The following TACC2 variants were observed in gnomAD, a reference collection of about 807,000 sequenced individuals.
The protein encoded by TACC2 is transforming acidic coiled-coil-containing protein 2.
TACC2 carries 137 observed loss-of-function variants against 227.3 expected under a neutral mutation model. The observed-to-expected ratio is 0.60, with a 90% CI of 0.52 to 0.69. The LOEUF (loss-of-function observed/expected upper bound fraction) is 0.69, where lower values mean the gene tolerates loss of function less well. TACC2 is among the 30% of genes least tolerant of loss of function. The pLI, the probability that TACC2 is intolerant of heterozygous loss-of-function variation, is 0.00. For synonymous variants in TACC2, 1,523 were observed against 1,487.5 expected, an observed-to-expected ratio of 1.02 and a Z score of -0.55; for missense variants, 3,470 against 3,694.4, an observed-to-expected ratio of 0.94 and a Z score of 1.57.
intron 7 of TACC2, among the ~76,000 whole-genome samples, chr10:122,156,587 T>C (rs1008259196): frequency 3.9e-5 from 6 of 152,230 alleles, no homozygotes; most frequent in Admixed American, 1.3e-4. Flanking sequence ...CTTCACGTTC[T>C]CTCTTTGAAG....
chr10:122,093,661 G>A (rs6585784), intron 5 of TACC2, among the ~76,000 whole-genome samples: 6,574 of 152,128 alleles, frequency 0.043, 481 homozygotes, highest in African/African-American at 0.15. Context: ...TATTGGCTTC[G>A]TTACCTTGGA....
chr10:122,108,414 G>GTA (rs907401219), intron 5 of TACC2, among the ~76,000 whole-genome samples: 10 of 141,792 alleles, frequency 7.1e-5, no homozygotes, highest in East Asian at 4.1e-4. Context: ...GTGTGTGTGT[G>GTA]TATATATATA....
chr10:122,013,871 C>A (rs1956238407), intron 1 of TACC2, among the ~76,000 whole-genome samples: 1 of 152,164 alleles, frequency 6.6e-6, no homozygotes, highest in East Asian at 1.9e-4. Flanking sequence ...TTGGGTAAAT[C>A]ATTTCCAACC....
chr10:122,142,023 T>C (rs1043810893), intron 6 of TACC2, among the ~76,000 whole-genome samples: 1 of 152,258 alleles, frequency 6.6e-6, no homozygotes, highest in African/African-American at 2.4e-5. Flanking sequence ...TGATTAATTT[T>C]AGCCACTGCC....
chr10:122,093,760 T>G (rs2081080083), intron 5 of TACC2, among the ~76,000 whole-genome samples: 1 of 152,220 alleles, frequency 6.6e-6, no homozygotes, highest in Non-Finnish European at 1.5e-5. Context: ...TAGGATAAAA[T>G]TGGAATGTTT....
chr10:122,036,928 T>A (rs1960594884), intron 2 of TACC2, among the ~76,000 whole-genome samples: 1 of 152,202 alleles, frequency 6.6e-6, no homozygotes, highest in Non-Finnish European at 1.5e-5. Flanking sequence ...TTTCTCTACA[T>A]CCTCACCAAT....
At chr10:122,170,686 C>A (rs576483506) in intron 7 of TACC2, among the ~76,000 whole-genome samples, 2 of 152,300 alleles carry the variant, frequency 1.3e-5, no homozygotes, top group South Asian at 4.1e-4. Context: ...ATGGTTAAAA[C>A]CTGTATCTGC....
chr10:122,009,559 G>T (rs773796509), intron 1 of TACC2, among the ~76,000 whole-genome samples: 3 of 152,104 alleles, frequency 2.0e-5, no homozygotes, highest in Non-Finnish European at 2.9e-5. Flanking sequence ...TCTTGCTCTT[G>T]CTGGGGAGAA....
chr10:122,136,543 GTGTATATA>G (rs760074271), intron 6 of TACC2, among the ~76,000 whole-genome samples: 113 of 143,010 alleles, frequency 7.9e-4, no homozygotes, highest in Non-Finnish European at 8.4e-4. Context: ...TTGTGTGTGT[GTGTATATA>G]TATATATATA....
At chr10:122,253,628 C>T (rs1389807467) in intron 22 of TACC2, among the ~76,000 whole-genome samples, 1 of 152,232 alleles carries the variant, frequency 6.6e-6, no homozygotes, top group African/African-American at 2.4e-5. Context: ...CTCCTCACCT[C>T]AGATCACATC....
chr10:122,213,881 G>C (rs2095347355), intron 9 of TACC2, among the ~76,000 whole-genome samples: 1 of 152,216 alleles, frequency 6.6e-6, no homozygotes, highest in Non-Finnish European at 1.5e-5. Flanking sequence ...CTGAAATGCA[G>C]GGTCAGTGCA....
intron 1 of TACC2, among the ~76,000 whole-genome samples, chr10:122,003,290 C>T (rs1954648979): frequency 6.6e-6 from 1 of 151,772 alleles, no homozygotes; most frequent in African/African-American, 2.4e-5. Context: ...CTGCCTTTAA[C>T]TTTATTTTTT....
intron 1 of TACC2, among the ~76,000 whole-genome samples, chr10:122,004,422 C>T (rs1342761067): frequency 1.3e-5 from 2 of 151,836 alleles, no homozygotes; most frequent in African/African-American, 2.4e-5. Flanking sequence ...AAATTACACT[C>T]GTTCCTGAGG....
At chr10:122,075,188 CAAAA>C (rs74264562) in intron 3 of TACC2, among the ~76,000 whole-genome samples, 95 of 142,468 alleles carry the variant, frequency 6.7e-4, no homozygotes, top group Admixed American at 9.0e-4. Flanking sequence ...ATCTTGCTGC[CAAAA>C]AAAAAAAAAA....
intron 5 of TACC2, among the ~76,000 whole-genome samples, chr10:122,122,613 C>A (rs1040690624): frequency 6.6e-6 from 1 of 151,918 alleles, no homozygotes; most frequent in African/African-American, 2.4e-5. Flanking sequence ...CTGCTTTCCC[C>A]GGGGTCCTGT....
intron 7 of TACC2, among the ~76,000 whole-genome samples, chr10:122,153,722 C>T (rs568862776): frequency 3.9e-5 from 6 of 152,306 alleles, no homozygotes; most frequent in African/African-American, 1.4e-4. Flanking sequence ...AAACCTTGCA[C>T]CCTCGATGTT....
At chr10:122,018,166 T>C (rs561902466) in intron 1 of TACC2, among the ~76,000 whole-genome samples, 2 of 152,182 alleles carry the variant, frequency 1.3e-5, no homozygotes, top group South Asian at 2.1e-4. Flanking sequence ...TGTTCCCCTC[T>C]CTGTGTCCAT....
At chr10:122,219,030 A>AAAAAG (rs59998048) in intron 11 of TACC2, among the ~76,000 whole-genome samples, 42,754 of 143,788 alleles carry the variant, frequency 0.3, 7,217 homozygotes, top group East Asian at 0.43. Flanking sequence ...AAAAAAAAAA[A>AAAAAG]AAAAAGAAAA....
Position 122,154,148 on chromosome 10 carries a change from G to A in TACC2, c.5834+10442G>A, listed in dbSNP as rs746659311. 9.2e-5 allele frequency among the ~76,000 whole-genome samples: 14 copies of A among 152,308 alleles called. No homozygotes were observed. In the South Asian group the frequency reaches 2.1e-3, roughly 23 times the overall value. ...ATGTCTGCCTTTCTCGTCTGTGTCC[G>A]CAAGTACAGCTCTGTCTACCCATTT... On this transcript the variant is annotated intron_variant, in intron 7 of 22. Coordinates refer to ENST00000369005, the MANE Select transcript of TACC2 (RefSeq NM_206862.4).
Sources: gnomAD v4.1 joint callset for allele counts (sites outside exome capture counted in the v4.1 genomes callset) on GRCh38, gnomAD v4.1.1 for gene constraint, MANE v1.5 for transcripts, NCBI Gene and HGNC (gene_info 2026-07-23, HGNC 2026-07-21) for gene names.